EPC1: variants seen among roughly 807,000 people sequenced by gnomAD.
The protein encoded by EPC1 is enhancer of polycomb 1.
Under a neutral mutation model 98.4 loss-of-function variants are expected in EPC1, and 12 were observed. That is an observed-to-expected ratio of 0.12 (90% CI 0.08 to 0.20). The LOEUF (loss-of-function observed/expected upper bound fraction) is 0.20. EPC1 is among the 10% of genes least tolerant of loss of function. The pLI is 1.00. For synonymous variants in EPC1, 357 were observed against 363.9 expected (o/e 0.98, Z 0.21); for missense variants, 729 against 990.5 (o/e 0.74, Z 3.54).
chr10:32,350,665 G>A (rs577823764), upstream of EPC1, among the ~76,000 whole-genome samples: 5 of 152,258 alleles, frequency 3.3e-5, no homozygotes, highest in Admixed American at 2.0e-4. Flanking sequence ...AAAGTAAAGA[G>A]ACATGAGTTT....
At chr10:32,371,826 C>A (rs1358556017) in intron 1 of EPC1, among the ~76,000 whole-genome samples, 6 of 152,070 alleles carry the variant, frequency 3.9e-5, no homozygotes, top group African/African-American at 1.2e-4. Flanking sequence ...TTGCTTGAAA[C>A]CAGGAGGCGG....
chr10:32,362,098 G>A (rs1269522188), intron 1 of EPC1, among the ~76,000 whole-genome samples: 6 of 152,084 alleles, frequency 3.9e-5, no homozygotes, highest in African/African-American at 7.2e-5. Context: ...AGCAGCCCTC[G>A]GGGCTGCTCT....
intron 2 of EPC1, among the ~76,000 whole-genome samples, chr10:32,301,591 A>G (rs1212970807): frequency 6.6e-6 from 1 of 152,224 alleles, no homozygotes; most frequent in African/African-American, 2.4e-5. Flanking sequence ...ACAGAAATCA[A>G]TTGAATAGAA....
At chr10:32,330,881 A>G (rs1232835475) in intron 1 of EPC1, among the ~76,000 whole-genome samples, 2 of 152,344 alleles carry the variant, frequency 1.3e-5, no homozygotes, top group Admixed American at 6.5e-5. Context: ...TCTCCAAAAA[A>G]GCGGAACAAA....
At chr10:32,334,185 CCTA>C (rs1037488784) in intron 1 of EPC1, among the ~76,000 whole-genome samples, 3 of 152,152 alleles carry the variant, frequency 2.0e-5, no homozygotes, top group Non-Finnish European at 4.4e-5. Context: ...TTCCCTTGTG[CCTA>C]CTATCTCTTG....
At chr10:32,345,153 T>C (rs1183881279) in intron 1 of EPC1, 1 of 980,648 alleles carries the variant, frequency 1.0e-6, no homozygotes, top group African/African-American at 1.8e-5. Context: ...AAATCACTTA[T>C]TAAAAAATAA....
At chr10:32,300,392 G>GC (rs899516405) in intron 2 of EPC1, among the ~76,000 whole-genome samples, 3 of 135,406 alleles carry the variant, frequency 2.2e-5, no homozygotes, top group Admixed American at 7.4e-5. Flanking sequence ...TTTCCCTCCC[G>GC]CCCCCGCTCC....
At chr10:32,313,892 A>T (rs185290167) in intron 1 of EPC1, among the ~76,000 whole-genome samples, 1,588 of 152,292 alleles carry the variant, frequency 0.01, 15 homozygotes, top group Non-Finnish European at 0.014. Flanking sequence ...TCTCCAAAAA[A>T]AAATAAATAA....
chr10:32,378,538 C>G (rs1273804095), exon 1 of EPC1: 8 of 1,503,914 alleles, frequency 5.3e-6, no homozygotes, highest in Non-Finnish European at 6.3e-6. Flanking sequence ...AAAATTGTAA[C>G]AATATAGGCT....
Position 32,368,690 on chromosome 10 carries a change from C to A in EPC1, c.3+9801G>T, listed in dbSNP as rs530153864. Among the ~76,000 whole-genome samples the A allele has an allele frequency of 5.8e-4, 88 of 152,306 alleles. 1 individual carries two copies. The highest frequency in any genetic ancestry group is 1.0e-3 in the Non-Finnish European group (70 of 68,022). On this transcript the variant is annotated intron_variant, in intron 1 of 13. Transcript: ENST00000375110. ...GGAGAAGATAATGACCTATTCCAGG[C>A]AGCATCTTTAATACTGCAAAATCCA...
At chr10:32,276,810 A>G (rs1169363475) in intron 10 of EPC1, among the ~76,000 whole-genome samples, 1 of 152,236 alleles carries the variant, frequency 6.6e-6, no homozygotes, top group East Asian at 1.9e-4. Context: ...GAATGGATTG[A>G]GATATCAAGG....
At chr10:32,323,303 C>T (rs896174944) in intron 1 of EPC1, among the ~76,000 whole-genome samples, 1 of 152,030 alleles carries the variant, frequency 6.6e-6, no homozygotes, top group Non-Finnish European at 1.5e-5. Flanking sequence ...GTAGTGTCTT[C>T]CTGGACTGGT....
chr10:32,346,318 G>A (rs776822244), intron 1 of EPC1, among the ~76,000 whole-genome samples: 3 of 152,176 alleles, frequency 2.0e-5, no homozygotes, highest in Non-Finnish European at 4.4e-5. Context: ...CGGCGCGCAG[G>A]CCGCAGTGGC....
chr10:32,310,167 C>T (rs984109454), intron 1 of EPC1, among the ~76,000 whole-genome samples: 2 of 151,980 alleles, frequency 1.3e-5, no homozygotes, highest in Admixed American at 6.6e-5. Flanking sequence ...TGCACTCTAG[C>T]CTGGGTGACA....
chr10:32,292,771 G>A (rs763966425), intron 4 of EPC1, 127 bp from the exon 5 acceptor site: 51 of 959,768 alleles, frequency 5.3e-5, no homozygotes, highest in Non-Finnish European at 7.2e-5. Context: ...AGGGAGCACA[G>A]ATCACCAGGA....
chr10:32,318,086 T>C (rs1162359713), intron 1 of EPC1, among the ~76,000 whole-genome samples: 1 of 152,164 alleles, frequency 6.6e-6, no homozygotes, highest in Non-Finnish European at 1.5e-5. Context: ...ATTAAGAGCC[T>C]ACATGCCCAG....
chr10:32,366,138 C>A (rs931160775), intron 1 of EPC1, among the ~76,000 whole-genome samples: 31 of 152,168 alleles, frequency 2.0e-4, no homozygotes, highest in African/African-American at 7.2e-4. Flanking sequence ...AGGCTAAAAA[C>A]AACAACAACA....
intron 1 of EPC1, among the ~76,000 whole-genome samples, chr10:32,343,212 T>C (rs113594172): frequency 1.8e-3 from 270 of 152,282 alleles, no homozygotes; most frequent in South Asian, 0.012. Flanking sequence ...TTATTTTTAA[T>C]TAAATTATTT....
rs569662856 is a variant in EPC1 at position 32,342,065 on chromosome 10, T to TA, written c.153+4697dup. ...GACAGTATAGAAAGCTGAAACATTT[T>TA]ATTAATTCTCTTTGATTTTATCTGA... On this transcript the variant is annotated intron_variant, in intron 1 of 13. Transcript: ENST00000319778. Among the ~76,000 whole-genome samples, 327 of 152,284 alleles carry TA rather than the reference T, an allele frequency of 2.1e-3. 1 individual carries two copies. Among genetic ancestry groups the TA allele is most frequent in the Non-Finnish European group, 3.8e-3 (257 of 68,030 alleles).
Sources: gnomAD v4.1 joint callset for allele counts (sites outside exome capture counted in the v4.1 genomes callset) on GRCh38, gnomAD v4.1.1 for gene constraint, MANE v1.5 for transcripts, NCBI Gene and HGNC (gene_info 2026-07-23, HGNC 2026-07-21) for gene names.